Variants in ART3 observed in about 807,000 individuals in gnomAD.
The protein encoded by ART3 is ecto-ADP-ribosyltransferase 3.
A neutral mutation model predicts 48.5 loss-of-function variants in ART3; 49 were observed. That is an observed-to-expected ratio of 1.01 (90% CI 0.80 to 1.28). The LOEUF is 1.28. Among genes scored for constraint, ART3 ranks in the 50% most tolerant of loss-of-function variants. The probability of loss-of-function intolerance (pLI) is 0.00; values close to 1 mark genes in which losing one functional copy is unlikely to be tolerated. For synonymous variants in ART3, 145 were observed against 157.2 expected (o/e 0.92, Z 0.58); for missense variants, 438 against 454.3 (o/e 0.96, Z 0.33).
intron 1 of ART3, among the ~76,000 whole-genome samples, chr4:76,055,920 A>C (rs7655350): frequency 0.59 from 89,156 of 152,092 alleles, 26,993 homozygotes; most frequent in East Asian, 0.94. Flanking sequence ...AGCCTGTGTT[A>C]TTTTCTGCAT....
intron 1 of ART3, chr4:76,036,096 A>T: frequency 1.0e-6 from 1 of 958,638 alleles, no homozygotes; most frequent in Admixed American, 2.1e-5. Flanking sequence ...TAATTGGCAT[A>T]TATAGAGCAT....
chr4:76,082,372 C>A lies in ART3; in HGVS notation c.618C>A (p.Cys206Ter), dbSNP rs139877647. 54 of 1,614,036 alleles carry A rather than the reference C, an allele frequency of 3.3e-5. No homozygotes were observed. Among genetic ancestry groups the A allele is most frequent in the Admixed American group, 1.0e-4 (6 of 59,998 alleles). The part of the protein sequence containing the change: ...DQLTVLSIYT[C>*]LGVDIENFLD... ...TCACTGTGTTATCCATCTACACATG[C>A]CTTGGAGTTGACATTGAAAATTTTC... The change falls in exon 3 of 12, where the codon TGC (cysteine) becomes TGA (stop). Residue 206 changes from cysteine (C) to a stop codon, truncating the protein, a stop_gained. Coordinates refer to ENST00000355810, the MANE Select transcript of ART3 (RefSeq NM_001130016.3). LOFTEE classifies it high-confidence loss of function.
At chr4:76,017,088 G>A (rs979938785) in intron 1 of ART3, among the ~76,000 whole-genome samples, 1 of 152,088 alleles carries the variant, frequency 6.6e-6, no homozygotes, top group Admixed American at 6.5e-5. Context: ...GCTGGTACCT[G>A]TGGTTCAAGA....
chr4:76,074,341 C>T (rs752984607), upstream of ART3, among the ~76,000 whole-genome samples: 64 of 152,268 alleles, frequency 4.2e-4, no homozygotes, highest in East Asian at 2.5e-3. Context: ...GCTAGTTGAG[C>T]GAATGGTGAT....
At chr4:76,104,055 T>A (rs1405138719) in intron 9 of ART3, 86 bp downstream of exon 9, 3 of 1,368,012 alleles carry the variant, frequency 2.2e-6, no homozygotes, top group Non-Finnish European at 3.1e-6. Context: ...GTCATGAGAC[T>A]ATTATTCATG....
At chr4:76,043,355 G>T (rs1443221444) in intron 1 of ART3, among the ~76,000 whole-genome samples, 1 of 152,012 alleles carries the variant, frequency 6.6e-6, no homozygotes, top group African/African-American at 2.4e-5. Context: ...GGTGGCACTC[G>T]TCAGGGAGGC....
intron 1 of ART3, chr4:76,034,947 C>T: frequency 3.6e-6 from 5 of 1,370,838 alleles, no homozygotes; most frequent in Middle Eastern, 1.8e-4. Flanking sequence ...CACACAGGAT[C>T]ATAGCAGAAT....
chr4:76,101,629 G>C (rs954248920), intron 8 of ART3, among the ~76,000 whole-genome samples: 1 of 152,156 alleles, frequency 6.6e-6, no homozygotes, highest in African/African-American at 2.4e-5. Flanking sequence ...GCACACGCCT[G>C]TAGTCTCAGC....
At chr4:76,068,625 T>TGAGGGTG (rs1719976270) in intron 1 of ART3, among the ~76,000 whole-genome samples, 1 of 151,008 alleles carries the variant, frequency 6.6e-6, no homozygotes, top group African/African-American at 2.4e-5. Flanking sequence ...GGGGCCTACT[T>TGAGGGTG]GAGGGTGGAG....
intron 1 of ART3, among the ~76,000 whole-genome samples, chr4:76,050,200 G>A (rs1735921589): frequency 6.6e-6 from 1 of 152,210 alleles, no homozygotes; most frequent in Admixed American, 6.5e-5. Context: ...GACCTGAGCG[G>A]GTTGCCACTG....
intron 1 of ART3, chr4:76,034,479 G>A (rs1235966924): frequency 9.7e-6 from 5 of 516,178 alleles, no homozygotes; most frequent in Admixed American, 3.9e-5. Context: ...AAGTAAGAAC[G>A]TGAAAGCACT....
At chr4:76,019,457 T>TA (rs1280808011) in intron 1 of ART3, among the ~76,000 whole-genome samples, 1 of 138,562 alleles carries the variant, frequency 7.2e-6, no homozygotes, top group Non-Finnish European at 1.6e-5. Context: ...GCTTGTTAAA[T>TA]AAAAAAAATT....
chr4:76,101,321 T>C (rs1316223747), intron 8 of ART3, among the ~76,000 whole-genome samples: 1 of 152,220 alleles, frequency 6.6e-6, no homozygotes, highest in Non-Finnish European at 1.5e-5. Context: ...GCATAACAAA[T>C]ATTGTTTTTT....
At chr4:76,070,614 G>T (rs1720215182), upstream of ART3, among the ~76,000 whole-genome samples, 1 of 152,132 alleles carries the variant, frequency 6.6e-6, no homozygotes, top group Admixed American at 6.5e-5. Flanking sequence ...CGTAGCTGGA[G>T]AAAAATACAA....
At chr4:76,080,954 CTTATG>C (rs1418416365) in intron 2 of ART3, among the ~76,000 whole-genome samples, 1 of 152,176 alleles carries the variant, frequency 6.6e-6, no homozygotes, top group Non-Finnish European at 1.5e-5. Context: ...CACCCTGCTT[CTTATG>C]TTATGTGAAC....
intron 3 of ART3, among the ~76,000 whole-genome samples, chr4:76,092,151 G>T (rs1156842210): frequency 6.6e-6 from 1 of 152,034 alleles, no homozygotes; most frequent in Non-Finnish European, 1.5e-5. Flanking sequence ...TACAATTTCT[G>T]CTTGGATTTT....
At chr4:76,028,779 G>A (rs1443314007) in intron 1 of ART3, among the ~76,000 whole-genome samples, 1 of 152,202 alleles carries the variant, frequency 6.6e-6, no homozygotes, top group African/African-American at 2.4e-5. Flanking sequence ...GCCAGCCTAA[G>A]CAGAGGGCAA....
At chr4:76,107,695 C>T in intron 10 of ART3, 66 bp from the exon 11 acceptor site, 1 of 1,151,564 alleles carries the variant, frequency 8.7e-7, no homozygotes, top group Non-Finnish European at 1.3e-6. Flanking sequence ...AATTTTTAAT[C>T]AGATCTTTCT....
intron 3 of ART3, among the ~76,000 whole-genome samples, chr4:76,089,406 T>C (rs1560635167): frequency 6.6e-6 from 1 of 152,194 alleles, no homozygotes; most frequent in Non-Finnish European, 1.5e-5. Flanking sequence ...CCCTTTGTGC[T>C]GTTATCATGA....
Sources: gnomAD v4.1 joint callset for allele counts (sites outside exome capture counted in the v4.1 genomes callset) on GRCh38, gnomAD v4.1.1 for gene constraint, MANE v1.5 for transcripts, NCBI Gene and HGNC (gene_info 2026-07-23, HGNC 2026-07-21) for gene names.